The following ASTN2 variants were observed in gnomAD, a reference collection of about 807,000 sequenced individuals.
ASTN2 encodes astrotactin 2.
Under a neutral mutation model 139.8 loss-of-function variants are expected in ASTN2, and 54 were observed. That is an observed-to-expected ratio of 0.39 (90% confidence interval 0.31 to 0.48). ASTN2 has a LOEUF of 0.48. Among genes scored for constraint, ASTN2 ranks in the 20% least tolerant of loss-of-function variants. ASTN2 has a pLI of 0.95. For missense variants in ASTN2, 1,565 were observed against 1,725.1 expected (o/e 0.91, Z 1.64); for synonymous variants, 756 against 719.5 (o/e 1.05, Z -0.81).
intron 19 of ASTN2, among the ~76,000 whole-genome samples, chr9:116,490,272 TAAAAAAAAAAAAAAAAA>T (rs140391473): frequency 2.1e-4 from 8 of 37,912 alleles, no homozygotes; most frequent in Admixed American, 6.3e-4. Context: ...TGATAAAAAG[TAAAAAAAAAAAAAAAAA>T]AAAAAAAAAA....
intron 2 of ASTN2, among the ~76,000 whole-genome samples, chr9:117,230,871 T>C (rs1241111987): frequency 6.6e-6 from 1 of 152,188 alleles, no homozygotes; most frequent in Non-Finnish European, 1.5e-5. Context: ...ATACAATAAA[T>C]CCTTTCTGAC....
At chr9:116,497,204 G>A (rs1225951055) in intron 19 of ASTN2, among the ~76,000 whole-genome samples, 1 of 152,176 alleles carries the variant, frequency 6.6e-6, no homozygotes, top group Non-Finnish European at 1.5e-5. Flanking sequence ...AAATAGCCAT[G>A]GGCCAAGAGG....
At chr9:117,225,822 T>G (rs1038900891) in intron 2 of ASTN2, among the ~76,000 whole-genome samples, 43 of 151,970 alleles carry the variant, frequency 2.8e-4, no homozygotes, top group Non-Finnish European at 1.3e-4. Context: ...ATAAAATATG[T>G]CACACAGCCC....
At chr9:117,383,961 G>T (rs1033628774) in intron 1 of ASTN2, among the ~76,000 whole-genome samples, 1 of 152,094 alleles carries the variant, frequency 6.6e-6, no homozygotes, top group Non-Finnish European at 1.5e-5. Context: ...TGAAATCCAC[G>T]AACAGGGGCT....
intron 1 of ASTN2, among the ~76,000 whole-genome samples, chr9:117,319,774 T>G (rs1411950886): frequency 2.0e-5 from 3 of 151,826 alleles, no homozygotes; most frequent in African/African-American, 7.3e-5. Flanking sequence ...GGTATTTGAG[T>G]TTCCTCCCTG....
chr9:117,373,138 C>G lies in ASTN2; in HGVS notation c.442+41359G>C, dbSNP rs143361472. On this transcript the variant is annotated intron_variant, in intron 1 of 22. Coordinates refer to ENST00000313400, the MANE Select transcript of ASTN2 (RefSeq NM_001365068.1). ...TATTGAGGGCTAAGTATGAGCCACGCATTTAAAATTTATCTAATTTTATGC... is the reference window on the plus strand; with the variant it reads ...TATTGAGGGCTAAGTATGAGCCACGGATTTAAAATTTATCTAATTTTATGC... Among the ~76,000 whole-genome samples, 281 of 152,250 alleles carry G rather than the reference C, an allele frequency of 1.8e-3. 2 individuals are homozygous for G. The highest frequency in any genetic ancestry group is 6.3e-3 in the African/African-American group (263 of 41,548).
chr9:116,659,771 CA>C (rs1858444686), intron 16 of ASTN2, among the ~76,000 whole-genome samples: 1 of 152,124 alleles, frequency 6.6e-6, no homozygotes. Flanking sequence ...TCAGAAATCC[CA>C]TCTAATTTTT....
In ASTN2 at chr9:117,105,773, G is replaced by A. The variant is rs114773988; in HGVS notation, c.1169-9622C>T. Among the ~76,000 whole-genome samples, 646 of 152,332 alleles carry A rather than the reference G, an allele frequency of 4.2e-3. 6 individuals are homozygous for A. The highest frequency in any genetic ancestry group is 0.015 in the African/African-American group (620 of 41,572). The stretch of plus-strand genomic sequence containing the variant: ...GAGACCCTGGTCCTAGGTCTGTCCT[G>A]TTCCTGACATACGGTGTGACTGAAA... On this transcript the variant is annotated intron_variant, in intron 4 of 22. Coordinates refer to ENST00000313400, the MANE Select transcript of ASTN2 (RefSeq NM_001365068.1).
intron 10 of ASTN2, among the ~76,000 whole-genome samples, chr9:116,871,073 A>G (rs1349866489): frequency 6.6e-6 from 1 of 152,092 alleles, no homozygotes; most frequent in African/African-American, 2.4e-5. Context: ...CCTGGCTAAC[A>G]TGGTTAAACC....
intron 19 of ASTN2, among the ~76,000 whole-genome samples, chr9:116,551,781 T>C (rs938500561): frequency 6.6e-6 from 1 of 152,142 alleles, no homozygotes; most frequent in Non-Finnish European, 1.5e-5. Context: ...CCAAAAACAC[T>C]GTAGTTCAAT....
chr9:117,054,699 G>T (rs1839007745), intron 5 of ASTN2, among the ~76,000 whole-genome samples: 1 of 152,188 alleles, frequency 6.6e-6, no homozygotes, highest in Non-Finnish European at 1.5e-5. Context: ...TCAGGTACAT[G>T]CTGTGCAGTG....
intron 20 of ASTN2, among the ~76,000 whole-genome samples, chr9:116,460,335 G>A (rs1848448884): frequency 6.6e-6 from 1 of 152,064 alleles, no homozygotes; most frequent in South Asian, 2.1e-4. Flanking sequence ...TGATGGTTGT[G>A]CAACTTTGTT....
intron 2 of ASTN2, among the ~76,000 whole-genome samples, chr9:117,218,623 C>T (rs1832410974): frequency 6.6e-6 from 1 of 152,208 alleles, no homozygotes; most frequent in African/African-American, 2.4e-5. Flanking sequence ...TAAAATTGGA[C>T]ACAGTCTCAG....
chr9:116,802,408 C>T (rs1051664043), intron 13 of ASTN2, among the ~76,000 whole-genome samples: 3 of 152,038 alleles, frequency 2.0e-5, no homozygotes, highest in South Asian at 2.1e-4. Context: ...TTCTCACTGA[C>T]GAGTCTGTTG....
rs2130988780 is a variant in ASTN2, at chr9:117,414,701, C to A, written c.238G>T (p.Asp80Tyr). The change falls in exon 1 of 23, where the codon GAC (aspartate) becomes TAC (tyrosine). Residue 80 changes from aspartate (D) to tyrosine (Y), a missense_variant. By Grantham distance (160) the Asp-to-Tyr change is radical. This residue lies in a region of ASTN2 where 596 missense variants were observed against 576.8 expected (regional missense o/e 1.03). Transcript: ENST00000313400. This position sits in a 1 kb window ranked among gnomAD's most constrained non-coding sequence, Gnocchi z 4.2. The stretch of plus-strand genomic sequence containing the variant: ...GCGCGGGCGCCGCTCCAGCCGATGT[C>A]GCTCTCCCGCAGGGCGGGCAGTGTG... ...VSTLPALRES[D>Y]IGWSGARAGA... The A allele has an allele frequency of 2.4e-6, 3 of 1,257,036 alleles. No individual in the cohort carries two copies. The highest frequency in any genetic ancestry group is 3.0e-6 in the Non-Finnish European group (3 of 1,002,560). The allele number at this position is 1,257,036 out of a possible 1,614,324, so 77.9% of individuals were successfully genotyped here.
chr9:116,671,490 G>C (rs1010474124), intron 16 of ASTN2, among the ~76,000 whole-genome samples: 5 of 152,002 alleles, frequency 3.3e-5, no homozygotes, highest in Non-Finnish European at 7.4e-5. Flanking sequence ...GAAAGAAAAA[G>C]GGATGAAGAG....
chr9:116,876,730 T>A (rs1189556727), intron 10 of ASTN2, among the ~76,000 whole-genome samples: 1 of 152,330 alleles, frequency 6.6e-6, no homozygotes, highest in East Asian at 1.9e-4. Flanking sequence ...CAGATGACCA[T>A]TAGCTTTTTT....
At position 116,706,893 on chromosome 9, in the gene ASTN2, T is replaced by A. The variant is rs149063957; in HGVS notation, c.2806+18878A>T. Among the ~76,000 whole-genome samples the A allele has an allele frequency of 7.2e-3, 1,088 of 151,632 alleles. 13 individuals are homozygous for A. The highest frequency in any genetic ancestry group is 0.019 in the African/African-American group (771 of 41,348). On this transcript the variant is annotated intron_variant, in intron 16 of 22. Coordinates refer to ENST00000313400, the MANE Select transcript of ASTN2 (RefSeq NM_001365068.1). ...TGCTCAGCTAAGTTGGAATTTTTGA[T>A]AATTGGCATTTAAGAACAAGAATAA...
At chr9:117,179,707 C>A (rs1831008727) in intron 3 of ASTN2, among the ~76,000 whole-genome samples, 1 of 152,122 alleles carries the variant, frequency 6.6e-6, no homozygotes, top group African/African-American at 2.4e-5. Flanking sequence ...TTGCTGTACT[C>A]CAGGACTGCT....
Sources: allele counts gnomAD v4.1 joint callset (sites outside exome capture counted in the v4.1 genomes callset), GRCh38; gene constraint gnomAD v4.1.1; regional missense constraint gnomAD v4.1.1; non-coding constraint Gnocchi (gnomAD v3.1); transcripts MANE v1.5; gene names NCBI Gene and HGNC (gene_info 2026-07-23, HGNC 2026-07-21).